Variants in AKIRIN2 observed in about 807,000 individuals in gnomAD.
The protein encoded by AKIRIN2 is akirin 2.
In AKIRIN2, 6 loss-of-function variants were observed where a neutral mutation model predicts 29.3. The ratio of observed to expected loss-of-function variants is 0.20; its 90% CI spans 0.11 to 0.40. AKIRIN2 has a LOEUF of 0.40. AKIRIN2 is among the 10% of genes least tolerant of loss of function. The probability of loss-of-function intolerance (pLI) is 1.00; values close to 1 mark genes in which losing one functional copy is unlikely to be tolerated. For missense variants in AKIRIN2, 210 were observed against 276.1 expected (o/e 0.76, Z 1.70); for synonymous variants, 128 against 117.5 (o/e 1.09, Z -0.58).
At chr6:87,676,893 G>A (rs1034986977) in intron 3 of AKIRIN2, among the ~76,000 whole-genome samples, 10 of 151,606 alleles carry the variant, frequency 6.6e-5, no homozygotes, top group African/African-American at 2.2e-4. Context: ...TGGCTAACAC[G>A]GTGAAACCCT....
intron 1 of AKIRIN2, among the ~76,000 whole-genome samples, chr6:87,687,119 ATAAT>A (rs1216090461): frequency 6.6e-6 from 1 of 150,914 alleles, no homozygotes; most frequent in Non-Finnish European, 1.5e-5. Flanking sequence ...AAACCTGTAC[ATAAT>A]TAAGTAAAGA....
At chr6:87,685,106 G>C (rs1167612904) in intron 1 of AKIRIN2, among the ~76,000 whole-genome samples, 1 of 152,094 alleles carries the variant, frequency 6.6e-6, no homozygotes, top group Non-Finnish European at 1.5e-5. Context: ...CTAATATGAT[G>C]CAACTATGTC....
chr6:87,681,390 A>G (rs113792562), intron 2 of AKIRIN2, among the ~76,000 whole-genome samples: 125 of 152,280 alleles, frequency 8.2e-4, no homozygotes, highest in African/African-American at 2.8e-3. Flanking sequence ...TACTTACAGG[A>G]TGTCCACTTT....
At chr6:87,699,843 A>G (rs958671230) in intron 1 of AKIRIN2, among the ~76,000 whole-genome samples, 2 of 152,164 alleles carry the variant, frequency 1.3e-5, no homozygotes, top group Non-Finnish European at 2.9e-5. Context: ...TTAATTCCCA[A>G]ACCTAGCACT....
At chr6:87,683,175 TAA>T in intron 1 of AKIRIN2, among the ~76,000 whole-genome samples, 1 of 152,312 alleles carries the variant, frequency 6.6e-6, no homozygotes, top group Middle Eastern at 3.4e-3. Flanking sequence ...CATATCCAGT[TAA>T]AGATACCATT....
At chr6:87,700,340 A>C (rs1771440307) in intron 1 of AKIRIN2, among the ~76,000 whole-genome samples, 3 of 151,822 alleles carry the variant, frequency 2.0e-5, no homozygotes, top group Admixed American at 2.0e-4. Context: ...TCGGTTTTTT[A>C]AGCTACTGAT....
intron 1 of AKIRIN2, among the ~76,000 whole-genome samples, chr6:87,693,207 C>T (rs917262616): frequency 2.6e-5 from 4 of 151,880 alleles, no homozygotes; most frequent in Middle Eastern, 3.4e-3. Flanking sequence ...CCAACCTGGG[C>T]GACAGAGTGA....
chr6:87,696,459 T>C (rs1054913181), intron 1 of AKIRIN2, among the ~76,000 whole-genome samples: 1 of 151,938 alleles, frequency 6.6e-6, no homozygotes, highest in African/African-American at 2.4e-5. Flanking sequence ...CCCAGCACTT[T>C]GGGAGGCTGA....
At chr6:87,691,185 T>C (rs1458723533) in intron 1 of AKIRIN2, among the ~76,000 whole-genome samples, 1 of 151,414 alleles carries the variant, frequency 6.6e-6, no homozygotes, top group Non-Finnish European at 1.5e-5. Context: ...GGCTCACACC[T>C]ATAATCCCGG....
chr6:87,701,803 A>T lies in AKIRIN2; in HGVS notation c.-119T>A. On this transcript the variant is annotated 5_prime_UTR_variant, in exon 1 of 5. Transcript: ENST00000257787. ...GGAGAGCCTACCCGACGGGCTCAGG[A>T]GCCAAGCGGGTCGCGGAGCGCCGGC... The T allele has an allele frequency of 1.4e-6, 1 of 709,344 alleles. No individual in the cohort carries two copies. The highest frequency in any genetic ancestry group is 4.1e-5 in the Admixed American group (1 of 24,152). 43.9% of individuals were successfully genotyped at this position (709,344 alleles called of 1,614,324 possible). A position where few individuals can be genotyped will look rare whatever the true frequency, so the allele number is the denominator to read the frequency against.
intron 1 of AKIRIN2, among the ~76,000 whole-genome samples, chr6:87,699,113 T>C (rs375310087): frequency 7.9e-5 from 12 of 152,194 alleles, no homozygotes; most frequent in African/African-American, 2.7e-4. Flanking sequence ...CTCATTTTAG[T>C]TAATGACAGA....
chr6:87,690,186 A>G (rs1454805431), intron 1 of AKIRIN2, among the ~76,000 whole-genome samples: 1 of 151,424 alleles, frequency 6.6e-6, no homozygotes, highest in Non-Finnish European at 1.5e-5. Context: ...AGCCTGGGCA[A>G]CAACAGCGAA....
intron 3 of AKIRIN2, 65 bp from the exon 4 acceptor site, chr6:87,675,996 AAC>A (rs1770967578): frequency 1.5e-6 from 2 of 1,341,364 alleles, no homozygotes; most frequent in Admixed American, 3.7e-5. Flanking sequence ...ATAAACTGAA[AAC>A]ACAAAATATA....
chr6:87,700,415 T>A (rs953582324), intron 1 of AKIRIN2: 4 of 152,150 alleles, frequency 2.6e-5, no homozygotes, highest in African/African-American at 9.7e-5. Context: ...TACTAAAGGC[T>A]CACACAGAAA....
intron 1 of AKIRIN2, among the ~76,000 whole-genome samples, chr6:87,693,699 T>TG (rs201555760): frequency 0.032 from 4,526 of 140,422 alleles, 236 homozygotes; most frequent in African/African-American, 0.12. Flanking sequence ...CACTCCAGCC[T>TG]GGGCGACAGA....
chr6:87,688,778 GAGA>G (rs913791207), intron 1 of AKIRIN2, among the ~76,000 whole-genome samples: 1 of 151,908 alleles, frequency 6.6e-6, no homozygotes, highest in African/African-American at 2.4e-5. Flanking sequence ...ACAATAAATG[GAGA>G]AGAAGGGGAA....
intron 1 of AKIRIN2, among the ~76,000 whole-genome samples, chr6:87,690,067 G>A (rs1771254145): frequency 1.3e-5 from 2 of 152,018 alleles, no homozygotes; most frequent in Non-Finnish European, 2.9e-5. Context: ...AAAAAAATTA[G>A]CTGAGCATGG....
chr6:87,689,040 A>G (rs539019742), intron 1 of AKIRIN2, among the ~76,000 whole-genome samples: 1 of 152,360 alleles, frequency 6.6e-6, no homozygotes, highest in South Asian at 2.1e-4. Context: ...CAGGGAAGAT[A>G]AATGAATGCC....
At chr6:87,680,730 C>T (rs1173363867) in intron 2 of AKIRIN2, among the ~76,000 whole-genome samples, 2 of 150,768 alleles carry the variant, frequency 1.3e-5, no homozygotes, top group African/African-American at 4.9e-5. Flanking sequence ...AAACCTTCAA[C>T]TTTCTCTTTG....
Sources: allele counts gnomAD v4.1 joint callset (sites outside exome capture counted in the v4.1 genomes callset), GRCh38; gene constraint gnomAD v4.1.1; transcripts MANE v1.5; gene names NCBI Gene and HGNC (gene_info 2026-07-23, HGNC 2026-07-21).